Variants in KIRREL2 observed in about 807,000 individuals in gnomAD.
KIRREL2 encodes the protein kin of IRRE-like protein 2.
A neutral mutation model predicts 73.4 loss-of-function variants in KIRREL2; 56 were observed. That is an observed-to-expected ratio of 0.76 (90% confidence interval 0.62 to 0.95). The LOEUF is 0.95. Ranked by LOEUF, KIRREL2 falls within the 40% of genes least tolerant of loss-of-function variation. The pLI is 0.00. For synonymous variants in KIRREL2, 407 were observed against 404.0 expected (o/e 1.01, Z -0.09); for missense variants, 896 against 935.0 (o/e 0.96, Z 0.54).
Position 35,858,735 on chromosome 19 carries a change from C to T in KIRREL2, c.393C>T (p.Gly131=). The T allele has an allele frequency of 6.2e-7, 1 of 1,614,200 alleles. No individual in the cohort carries two copies. The highest frequency in any genetic ancestry group is 1.7e-5 in the Admixed American group (1 of 60,026). Residue 131 remains glycine (G), a synonymous_variant, in exon 4 of 15, where the codon GGC becomes GGT. Transcript: ENST00000360202. ...VPPEAPQVLG[G]PSVSLVAGVP... is the part of the protein sequence containing the mutation. The stretch of plus-strand genomic sequence containing the variant: ...CAGAAGCCCCCCAGGTGCTGGGCGG[C>T]CCCTCTGTGTCTCTGGTTGCTGGAG...
chr19:35,852,539 C>T (rs79717911), upstream of KIRREL2, among the ~76,000 whole-genome samples: 2,130 of 152,264 alleles, frequency 0.014, 27 homozygotes, highest in Admixed American at 0.02. Context: ...TTCCAGAGCC[C>T]CCAGCTCTGG....
chr19:35,851,845 C>A (rs1223884407), upstream of KIRREL2: 1 of 1,550,512 alleles, frequency 6.4e-7, no homozygotes, highest in Non-Finnish European at 8.7e-7. Context: ...CATCACAGGT[C>A]CCCCTACTGT....
At position 35,861,827 on chromosome 19, in the gene KIRREL2, T is replaced by C; in HGVS notation, c.1313T>C (p.Phe438Ser). 6.3e-7 allele frequency: 1 copy of C among 1,587,842 alleles called. No homozygotes were observed. Among genetic ancestry groups the C allele is most frequent in the Non-Finnish European group, 8.6e-7 (1 of 1,167,074 alleles). ...DAVVWSWDEG[F>S]LEAGSQGRFL... ...CAGGTCTGGTCTTGGGATGAGGGCT[T>C]CCTGGAGGCGGGGTCGCAGGGCCGG... Residue 438 changes from phenylalanine (F) to serine (S), a missense_variant, in exon 11 of 15, where the codon TTC becomes TCC. Transcript: ENST00000360202.
At position 35,866,903 on chromosome 19, in the gene KIRREL2, G is replaced by C. The variant is rs577994778; in HGVS notation, c.*411G>C. On this transcript the variant is annotated 3_prime_UTR_variant, in exon 15 of 15. Transcript: ENST00000360202. ...TAGATGAAGATGAAGAGCATACCAG[G>C]CCCCACCCTGGCTCTCCCTGAGGGG... is the stretch of plus-strand genomic sequence containing the variant. 9.0e-5 allele frequency: 20 copies of C among 221,986 alleles called. No individual in the cohort carries two copies. Among genetic ancestry groups the C allele is most frequent in the East Asian group, 1.5e-4 (1 of 6,508 alleles). 13.8% of individuals were successfully genotyped at this position (221,986 alleles called of 1,614,324 possible).
chr19:35,858,031 A>G (rs1973506139), intron 2 of KIRREL2, among the ~76,000 whole-genome samples: 1 of 151,668 alleles, frequency 6.6e-6, no homozygotes. Context: ...AAAAAAGTAC[A>G]GTAAATATAA....
Position 35,862,537 on chromosome 19 carries a change from A to G in KIRREL2, c.1555A>G (p.Thr519Ala), listed in dbSNP as rs1331961579. The G allele has an allele frequency of 4.3e-6, 7 of 1,610,566 alleles. No homozygotes were observed. The African/African-American group carries it at 5.3e-5, about 12-fold the overall frequency. ...VRIVAGVAAA[T>A]TTLLMVITGV... is the part of the protein sequence containing the mutation. ...GATAGTGGCCGGAGTGGCCGCTGCC[A>G]CCACAACTCTCCTTATGGTCATCAC... Residue 519 changes from threonine to alanine, a missense_variant, in exon 12 of 15, where the codon ACC becomes GCC. By Grantham distance (58) the Thr-to-Ala change is moderately conservative. Coordinates refer to ENST00000360202, the MANE Select transcript of KIRREL2 (RefSeq NM_199180.4).
chr19:35,862,426 A>G, intron 11 of KIRREL2, 67 bp from the exon 12 acceptor site: 2 of 1,212,796 alleles, frequency 1.6e-6, no homozygotes, highest in Non-Finnish European at 2.4e-6. Context: ...TCCCAAACTC[A>G]ATCCCTGAGC....
Position 35,861,954 on chromosome 19 carries a change from C to T in KIRREL2, c.1440C>T (p.Ser480=). 1.2e-6 allele frequency: 2 copies of T among 1,613,260 alleles called. No homozygotes were observed. Among genetic ancestry groups the T allele is most frequent in the South Asian group, 1.1e-5 (1 of 90,806 alleles). The change falls in exon 11 of 15, where the codon AGC becomes AGT. Residue 480 remains serine (S), a synonymous_variant. Coordinates refer to ENST00000360202, the MANE Select transcript of KIRREL2 (RefSeq NM_199180.4). ...HISGTQESDF[S]RSFNCSARNR... ...CGGGGACCCAGGAGTCTGACTTTAG[C>T]AGGAGCTTTAACTGCAGTGCCCGGA...
rs373884934 is a variant in KIRREL2 at position 35,857,185 on chromosome 19, C to A, written c.61+5C>A. 5.0e-5 allele frequency: 80 copies of A among 1,600,708 alleles called. No individual in the cohort carries two copies. Among genetic ancestry groups the A allele is most frequent in the Non-Finnish European group, 6.5e-5 (76 of 1,172,462 alleles). On this transcript the variant is annotated splice_donor_5th_base_variant and intron_variant, in intron 1 of 14. Coordinates refer to ENST00000360202, the MANE Select transcript of KIRREL2 (RefSeq NM_199180.4). ...TCTGCTTCAGAGGGAGAGCAGGTAC[C>A]GCACGAGGGGAGCGGAGGAATATGG...
rs771035989 is a variant in KIRREL2 at position 35,862,477 on chromosome 19, C to T, written c.1511-16C>T. On this transcript the variant is annotated splice_polypyrimidine_tract_variant and intron_variant, in intron 11 of 14. Transcript: ENST00000360202. Reference sequence around the variant, plus strand: ...CCCCCTCAGCCTTCTCAGGATGTCCCCTCTGCTCCCTGCAGACTTGCTGCC... The same window carrying T: ...CCCCCTCAGCCTTCTCAGGATGTCCTCTCTGCTCCCTGCAGACTTGCTGCC... The T allele has an allele frequency of 4.6e-5, 74 of 1,594,878 alleles. No individual in the cohort carries two copies. Among genetic ancestry groups the T allele is most frequent in the Non-Finnish European group, 6.2e-5 (72 of 1,169,206 alleles).
rs1484978044 is a variant in KIRREL2 at position 35,858,565 on chromosome 19, C to T, written c.361+8C>T. The T allele has an allele frequency of 6.2e-7, 1 of 1,613,812 alleles. No individual in the cohort carries two copies. Among genetic ancestry groups the T allele is most frequent in the Admixed American group, 1.7e-5 (1 of 60,022 alleles). ...CCCAACTGCACGTGCTGGGTAAGGA[C>T]CTCGCCCACTTGTCCCCTGGGAGCC... On this transcript the variant is annotated splice_region_variant and intron_variant, in intron 3 of 14. Coordinates refer to ENST00000360202, the MANE Select transcript of KIRREL2 (RefSeq NM_199180.4).
At chr19:35,863,184 GGA>G (rs201933247) in intron 13 of KIRREL2, 148 bp downstream of exon 13, 12,170 of 592,682 alleles carry the variant, frequency 0.021, 152 homozygotes, top group Non-Finnish European at 0.026. Context: ...GGAGACACAA[GGA>G]TCACTTAAGG....
In KIRREL2 at chr19:35,863,037, G is replaced by A. The variant is rs1245496792; in HGVS notation, c.1725+1G>A. The stretch of plus-strand genomic sequence containing the variant: ...GGAGACAGGCAGCCGCGAGGACCGG[G>A]TAGGATGCCAGGGTCCCCAGACCTG... On this transcript the variant is annotated splice_donor_variant, in intron 13 of 14. Transcript: ENST00000360202. LOFTEE classifies it high-confidence loss of function. 1 of 1,548,468 alleles carries A rather than the reference G, an allele frequency of 6.5e-7. No homozygotes were observed. Among genetic ancestry groups the A allele is most frequent in the African/African-American group, 1.4e-5 (1 of 73,960 alleles).
chr19:35,854,440 G>C (rs547304320), upstream of KIRREL2, among the ~76,000 whole-genome samples: 1 of 151,914 alleles, frequency 6.6e-6, no homozygotes, highest in Non-Finnish European at 1.5e-5. Context: ...TCCTGCCTCA[G>C]CCTCCCTAGT....
At chr19:35,851,431 G>C (rs781218705), upstream of KIRREL2, 13 of 1,612,870 alleles carry the variant, frequency 8.1e-6, no homozygotes, top group East Asian at 2.7e-4. Context: ...GCTGGTGGCT[G>C]AGGGTCTCAG....
At chr19:35,866,078 T>G in intron 14 of KIRREL2, 79 bp from the exon 15 acceptor site, 1 of 1,386,956 alleles carries the variant, frequency 7.2e-7, no homozygotes, top group Non-Finnish European at 1.0e-6. Context: ...TCTGGTCTAT[T>G]TCAGTGTGTC....
chr19:35,861,761 C>T, intron 10 of KIRREL2, 44 bp from the exon 11 acceptor site: 1 of 1,587,274 alleles, frequency 6.3e-7, no homozygotes. Context: ...CTTCTTCCTC[C>T]CCTCCTCAGT....
At chr19:35,851,465 G>T, upstream of KIRREL2, 1 of 1,613,530 alleles carries the variant, frequency 6.2e-7, no homozygotes, top group African/African-American at 1.3e-5. Flanking sequence ...ACCTCTAGCA[G>T]GGTCCCCTTC....
chr19:35,860,959 G>GA lies in KIRREL2; in HGVS notation c.981dup (p.Asp328ArgfsTer51), dbSNP rs1568464556. ...GGAGCCCGTGTCCGTGGACGTGGGG[G>GA]AAGACGCTTCCTTCAGCTGCGCCTG... On this transcript the variant is annotated frameshift_variant, in exon 8 of 15. Transcript: ENST00000360202. LOFTEE classifies it high-confidence loss of function. 1 of 1,613,992 alleles carries GA rather than the reference G, an allele frequency of 6.2e-7. No homozygotes were observed. The highest frequency in any genetic ancestry group is 8.5e-7 in the Non-Finnish European group (1 of 1,179,998).
Sources: allele counts gnomAD v4.1 joint callset (sites outside exome capture counted in the v4.1 genomes callset), GRCh38; gene constraint gnomAD v4.1.1; transcripts MANE v1.5; gene names NCBI Gene and HGNC (gene_info 2026-07-23, HGNC 2026-07-21).